Variants in GOLM2 observed in about 807,000 individuals in gnomAD.
GOLM2 encodes golgi membrane protein 2.
A neutral mutation model predicts 55.9 loss-of-function variants in GOLM2; 26 were observed. The observed-to-expected ratio is 0.47, with a 90% confidence interval of 0.34 to 0.65. GOLM2 has a LOEUF of 0.65. GOLM2 is among the 30% of genes least tolerant of loss of function. The probability of loss-of-function intolerance (pLI) is 0.01; values close to 1 mark genes in which losing one functional copy is unlikely to be tolerated. For missense variants in GOLM2, 486 were observed against 531.8 expected (o/e 0.91, Z 0.85); for synonymous variants, 165 against 194.6 (o/e 0.85, Z 1.27).
At chr15:44,370,029 G>A (rs2079319764) in intron 6 of GOLM2, among the ~76,000 whole-genome samples, 1 of 152,116 alleles carries the variant, frequency 6.6e-6, no homozygotes, top group Admixed American at 6.6e-5. Context: ...GAAGCATCCA[G>A]CACGAGAGAA....
intron 6 of GOLM2, among the ~76,000 whole-genome samples, chr15:44,346,823 T>G (rs892117391): frequency 2.3e-4 from 35 of 152,264 alleles, no homozygotes; most frequent in Middle Eastern, 3.4e-3. Flanking sequence ...TTCAAAAAAA[T>G]CATTATTTAA....
At chr15:44,374,983 G>T (rs926159072) in intron 6 of GOLM2, among the ~76,000 whole-genome samples, 3 of 152,074 alleles carry the variant, frequency 2.0e-5, no homozygotes, top group African/African-American at 7.2e-5. Flanking sequence ...AGAGGACCGG[G>T]TTAAAATATA....
chr15:44,301,914 A>G (rs905818062), intron 1 of GOLM2, among the ~76,000 whole-genome samples: 5 of 147,436 alleles, frequency 3.4e-5, no homozygotes, highest in Non-Finnish European at 7.5e-5. Context: ...CCCTCTCTCA[A>G]AAAAAAAAAA....
chr15:44,381,658 A>G (rs1039568770), intron 8 of GOLM2, among the ~76,000 whole-genome samples: 3 of 152,188 alleles, frequency 2.0e-5, no homozygotes, highest in Non-Finnish European at 4.4e-5. Flanking sequence ...CACCAGGAGT[A>G]AGATCAAGTC....
At chr15:44,317,940 C>A (rs938585912) in intron 1 of GOLM2, among the ~76,000 whole-genome samples, 1 of 152,126 alleles carries the variant, frequency 6.6e-6, no homozygotes, top group African/African-American at 2.4e-5. Flanking sequence ...ACTATTCTTC[C>A]CCTTTAATAT....
At chr15:44,352,109 C>G (rs1324615873) in intron 6 of GOLM2, among the ~76,000 whole-genome samples, 5 of 152,046 alleles carry the variant, frequency 3.3e-5, no homozygotes, top group Non-Finnish European at 5.9e-5. Context: ...CCTAGAATAG[C>G]CAAAGCTATC....
chr15:44,338,248 A>G lies in GOLM2; in HGVS notation c.733A>G (p.Arg245Gly), dbSNP rs550956667. The change falls in exon 6 of 10, where the codon AGA becomes GGA. Residue 245 changes from arginine (R) to glycine (G), a missense_variant. Transcript: ENST00000299957. ...TGTTACTTGGGCAGAACAAATCAAAAGAGGTGGTGATGCAGGGATGCCTGG... is the reference window on the plus strand; with the variant it reads ...TGTTACTTGGGCAGAACAAATCAAAGGAGGTGGTGATGCAGGGATGCCTGG... ...HIPHGKEQIK[R>G]GGDAGMPGIE... 12 of 1,613,548 alleles carry G rather than the reference A, an allele frequency of 7.4e-6. No individual in the cohort carries two copies. The African/African-American group carries it at 1.6e-4, about 22-fold the overall frequency.
intron 6 of GOLM2, among the ~76,000 whole-genome samples, chr15:44,362,491 T>G (rs1444001526): frequency 4.6e-5 from 7 of 151,342 alleles, no homozygotes; most frequent in Non-Finnish European, 7.4e-5. Flanking sequence ...ACAAGGGACG[T>G]GAAGGACCTC....
chr15:44,305,496 C>A (rs1035194400), intron 1 of GOLM2, among the ~76,000 whole-genome samples: 5 of 151,762 alleles, frequency 3.3e-5, no homozygotes, highest in Admixed American at 6.6e-5. Flanking sequence ...ACAGGGTCTC[C>A]CCATGTTGCC....
chr15:44,391,560 G>A lies in GOLM2; in HGVS notation c.1072+10584G>A, dbSNP rs185029455. 4.5e-3 allele frequency among the ~76,000 whole-genome samples: 673 copies of A among 148,880 alleles called. 4 individuals carry two copies. The highest frequency in any genetic ancestry group is 0.016 in the African/African-American group (640 of 40,604). ...TGGAAAGATCGTCAGCACACATTAA[G>A]ACAGGAAGAGATGACACAAATTCTC... On this transcript the variant is annotated intron_variant, in intron 8 of 9. Transcript: ENST00000299957.
At chr15:44,372,164 G>A (rs766176020) in intron 6 of GOLM2, among the ~76,000 whole-genome samples, 11 of 152,108 alleles carry the variant, frequency 7.2e-5, no homozygotes, top group Non-Finnish European at 1.3e-4. Context: ...TTATTCTCTT[G>A]GCTGTGCAGT....
chr15:44,388,767 C>T lies in GOLM2; in HGVS notation c.1072+7791C>T, dbSNP rs1490400663. The stretch of plus-strand genomic sequence containing the variant: ...GGCTCAAATCATCCTCCTGCCTTAG[C>T]CTCTTGAGTAGCTGGGATTTATAGG... On this transcript the variant is annotated intron_variant, in intron 8 of 9. Coordinates refer to ENST00000299957, the MANE Select transcript of GOLM2 (RefSeq NM_138423.4). Among the ~76,000 whole-genome samples the T allele has an allele frequency of 2.0e-5, 3 of 152,136 alleles. 1 individual carries two copies. The highest frequency in any genetic ancestry group is 4.4e-5 in the Non-Finnish European group (3 of 68,022).
At chr15:44,380,775 A>G (rs2079396102) in intron 7 of GOLM2, 31 bp from the exon 8 acceptor site, 1 of 1,364,672 alleles carries the variant, frequency 7.3e-7, no homozygotes, top group Non-Finnish European at 9.6e-7. Context: ...ATTAAATTAT[A>G]TTCTTTTAAT....
chr15:44,336,305 G>A (rs190510388), intron 4 of GOLM2, among the ~76,000 whole-genome samples: 1 of 151,656 alleles, frequency 6.6e-6, no homozygotes, highest in African/African-American at 2.4e-5. Context: ...TTTTAGTAGA[G>A]TCGGGGTTTT....
chr15:44,294,711 CAAA>C (rs1415785686), intron 1 of GOLM2, among the ~76,000 whole-genome samples: 1 of 47,132 alleles, frequency 2.1e-5, no homozygotes. Flanking sequence ...GACTCCATCT[CAAA>C]AAAAAAAAAA....
In GOLM2 at chr15:44,322,963, A is replaced by G. The variant is rs1273294936; in HGVS notation, c.328-2A>G. 6.4e-7 allele frequency: 1 copy of G among 1,560,642 alleles called. No individual in the cohort carries two copies. Among genetic ancestry groups the G allele is most frequent in the Non-Finnish European group, 8.6e-7 (1 of 1,156,738 alleles). The stretch of plus-strand genomic sequence containing the variant: ...TAAAATGAGAACTTAATTTTTTTTC[A>G]GGTTAAACTACAGAACAACATATCG... On this transcript the variant is annotated splice_acceptor_variant, in intron 1 of 9. Coordinates refer to ENST00000299957, the MANE Select transcript of GOLM2 (RefSeq NM_138423.4). LOFTEE classifies it high-confidence loss of function.
intron 6 of GOLM2, among the ~76,000 whole-genome samples, chr15:44,343,823 C>CA (rs1201462381): frequency 2.9e-3 from 197 of 66,962 alleles, no homozygotes; most frequent in Middle Eastern, 0.011. Context: ...GACTCTGTCT[C>CA]AAAAAAAAAA....
At chr15:44,401,685 A>T (rs2079566134) in intron 8 of GOLM2, among the ~76,000 whole-genome samples, 3 of 152,236 alleles carry the variant, frequency 2.0e-5, no homozygotes, top group African/African-American at 7.2e-5. Context: ...CTTTTATGCT[A>T]AGTTAAACTT....
chr15:44,322,961 TC>T lies in GOLM2; in HGVS notation c.328-3del. The T allele has an allele frequency of 6.4e-7, 1 of 1,562,544 alleles. No homozygotes were observed. Among genetic ancestry groups the T allele is most frequent in the Middle Eastern group, 1.7e-4 (1 of 5,830 alleles). ...AGTAAAATGAGAACTTAATTTTTTT[TC>T]AGGTTAAACTACAGAACAACATATC... On this transcript the variant is annotated splice_polypyrimidine_tract_variant and splice_region_variant and intron_variant, in intron 1 of 9. Transcript: ENST00000299957.
Sources: gnomAD v4.1 joint callset for allele counts (sites outside exome capture counted in the v4.1 genomes callset) on GRCh38, gnomAD v4.1.1 for gene constraint, MANE v1.5 for transcripts, NCBI Gene and HGNC (gene_info 2026-07-23, HGNC 2026-07-21) for gene names.